DDX39B: variants seen among roughly 807,000 people sequenced by gnomAD.
The protein encoded by DDX39B is spliceosome RNA helicase DDX39B.
DDX39B carries 6 observed loss-of-function variants against 46.4 expected under a neutral mutation model. The observed-to-expected ratio is 0.13, with a 90% CI of 0.07 to 0.26. DDX39B has a LOEUF of 0.26. DDX39B is among the 10% of genes least tolerant of loss of function. The pLI, the probability that DDX39B is intolerant of heterozygous loss-of-function variation, is 1.00. For synonymous variants in DDX39B, 174 were observed against 199.4 expected, an observed-to-expected ratio of 0.87 and a Z score of 1.07; for missense variants, 185 against 553.4, an observed-to-expected ratio of 0.33 and a Z score of 6.68.
At chr6:31,533,612 T>C (rs1309156909) in intron 6 of DDX39B, 1 of 152,460 alleles carries the variant, frequency 6.6e-6, no homozygotes, top group Non-Finnish European at 1.5e-5. Flanking sequence ...GGTGTTAAAA[T>C]ACCAAATTCA....
In DDX39B at chr6:31,536,679, G is replaced by T; in HGVS notation, c.437C>A (p.Ala146Asp). 1 of 1,611,906 alleles carries T rather than the reference G, an allele frequency of 6.2e-7. No homozygotes were observed. Among genetic ancestry groups the T allele is most frequent in the East Asian group, 2.2e-5 (1 of 44,870 alleles). ...FSKYMPNVKV[A>D]VFFGGLSIKK... ...GATAGACAGACCACCAAAAAAAACAGCAACCTGCCGAGCCAGAAGCAAAGA... is the reference window on the plus strand; with the variant it reads ...GATAGACAGACCACCAAAAAAAACATCAACCTGCCGAGCCAGAAGCAAAGA... Residue 146 changes from alanine to aspartate, a missense_variant, in exon 5 of 11, where the codon GCT becomes GAT. Ala to Asp is a moderately radical substitution (Grantham distance 126, BLOSUM62 -2). Around this residue, in one of 5 missense-constraint regions of DDX39B, gnomAD observed 110 missense variants for 282.2 expected, o/e 0.39. Transcript: ENST00000396172.
chr6:31,533,065 C>T (rs9267481), intron 6 of DDX39B, 154 bp from the exon 7 acceptor site: 7,542 of 596,436 alleles, frequency 0.013, 75 homozygotes, highest in African/African-American at 0.031. Flanking sequence ...AAAATACCCA[C>T]ATTTTACTGT....
Position 31,538,745 on chromosome 6 carries a change from CTCTTTACCTTG to C in DDX39B, c.432+7_432+17del. 1.2e-6 allele frequency: 2 copies of C among 1,606,042 alleles called. No homozygotes were observed. Among genetic ancestry groups the C allele is most frequent in the Non-Finnish European group, 1.7e-6 (2 of 1,176,434 alleles). On this transcript the variant is annotated splice_region_variant and intron_variant, in intron 4 of 10. Coordinates refer to ENST00000396172, the MANE Select transcript of DDX39B (RefSeq NM_004640.7). Reference sequence around the variant, plus strand: ...ACTTGCCACACCCTCACTCTCAGGTCTCTTTACCTTGGCTTACCTTGACATTGGGCATGTAT... The same window carrying C: ...ACTTGCCACACCCTCACTCTCAGGTCGCTTACCTTGACATTGGGCATGTAT...
rs1554267395 is a variant in DDX39B, at chr6:31,531,985, TTTTTTTA to T, written c.868-587_868-581del. 6.6e-6 allele frequency among the ~76,000 whole-genome samples: 1 copy of T among 152,082 alleles called. No individual in the cohort carries two copies. Among genetic ancestry groups the T allele is most frequent in the African/African-American group, 2.4e-5 (1 of 41,420 alleles). ...GGTGCACACCACCACGCCCAGCTAC[TTTTTTTA>T]TTTTTTATTTTTACTATTTGTAGAG... On this transcript the variant is annotated intron_variant, in intron 7 of 10. Coordinates refer to ENST00000396172, the MANE Select transcript of DDX39B (RefSeq NM_004640.7). This position sits in a 1 kb window ranked among gnomAD's most constrained non-coding sequence, Gnocchi z 5.8.
chr6:31,539,089 CACCCT>C, intron 3 of DDX39B, 53 bp downstream of exon 3: 2 of 1,613,272 alleles, frequency 1.2e-6, no homozygotes, highest in Non-Finnish European at 1.7e-6. Flanking sequence ...AGGACAAAAA[CACCCT>C]TCCCTTATAG....
intron 1 of DDX39B, chr6:31,541,732 G>A (rs1045209101): frequency 1.2e-5 from 7 of 604,242 alleles, no homozygotes; most frequent in Non-Finnish European, 2.2e-5. Flanking sequence ...ACACAATGGC[G>A]CCGAGGACAC....
intron 2 of DDX39B, among the ~76,000 whole-genome samples, chr6:31,539,999 CCTCA>C (rs1768227742): frequency 6.6e-6 from 1 of 152,102 alleles, no homozygotes; most frequent in African/African-American, 2.4e-5. Context: ...ATTTTTTCTT[CCTCA>C]CTGTCGCCCC....
At chr6:31,537,116 A>C (rs970021430) in intron 4 of DDX39B, among the ~76,000 whole-genome samples, 1 of 152,110 alleles carries the variant, frequency 6.6e-6, no homozygotes, top group Non-Finnish European at 1.5e-5. Flanking sequence ...CATCTCAAAA[A>C]GAAATAAAAT....
chr6:31,540,023 A>G (rs900361701), intron 2 of DDX39B, among the ~76,000 whole-genome samples: 2 of 152,190 alleles, frequency 1.3e-5, no homozygotes, highest in Non-Finnish European at 2.9e-5. Flanking sequence ...CGGCTGGTGC[A>G]CAGTGGTGCA....
intron 1 of DDX39B, chr6:31,541,568 C>G (rs968563843): frequency 4.4e-5 from 20 of 459,474 alleles, no homozygotes; most frequent in African/African-American, 3.5e-4. Context: ...CCAGTCCCAC[C>G]GAGGGCCGAG....
intron 1 of DDX39B, chr6:31,540,987 C>G (rs1430327032): frequency 9.3e-6 from 4 of 431,978 alleles, no homozygotes; most frequent in Non-Finnish European, 1.8e-5. Context: ...TAAAATACGA[C>G]TAATAACTTA....
At chr6:31,538,660 C>G in intron 4 of DDX39B, 103 bp downstream of exon 4, 1 of 1,088,804 alleles carries the variant, frequency 9.2e-7, no homozygotes, top group Non-Finnish European at 1.3e-6. Context: ...TACACCACAG[C>G]AAACTAAAGC....
chr6:31,530,669 A>C lies in DDX39B; in HGVS notation c.1270+110T>G. Reference sequence around the variant, plus strand: ...CATCAAAGACCAGGGGGCATGAACCAGTCAAGTGTCCATTATGCATCAGAT... The same window carrying C: ...CATCAAAGACCAGGGGGCATGAACCCGTCAAGTGTCCATTATGCATCAGAT... On this transcript the variant is annotated intron_variant, in intron 10 of 10. Coordinates refer to ENST00000396172, the MANE Select transcript of DDX39B (RefSeq NM_004640.7). This position sits in a 1 kb window ranked among gnomAD's most constrained non-coding sequence, Gnocchi z 4.5. The C allele has an allele frequency of 6.9e-7, 1 of 1,453,850 alleles. No homozygotes were observed. The highest frequency in any genetic ancestry group is 1.8e-5 in the Admixed American group (1 of 55,278). 90.1% of individuals were successfully genotyped at this position (1,453,850 alleles called of 1,614,324 possible).
chr6:31,532,095 G>GTAC (rs1767232539), intron 7 of DDX39B, among the ~76,000 whole-genome samples: 1 of 152,002 alleles, frequency 6.6e-6, no homozygotes, highest in South Asian at 2.1e-4. Context: ...GCCTCCCAAA[G>GTAC]TACTGGGATT....
intron 4 of DDX39B, among the ~76,000 whole-genome samples, chr6:31,537,683 G>A (rs1369528630): frequency 6.6e-6 from 1 of 152,022 alleles, no homozygotes; most frequent in Non-Finnish European, 1.5e-5. Flanking sequence ...TGGTTTCAAG[G>A]GGGAAAAGAA....
chr6:31,536,703 G>C lies in DDX39B; in HGVS notation c.433-20C>G. ...AGCAACCTGCCGAGCCAGAAGCAAAGAGTCTCAAAACAGAGGAAGGAAAGA... is the reference window on the plus strand; with the variant it reads ...AGCAACCTGCCGAGCCAGAAGCAAACAGTCTCAAAACAGAGGAAGGAAAGA... On this transcript the variant is annotated intron_variant, in intron 4 of 10. Transcript: ENST00000396172. 6.2e-7 allele frequency: 1 copy of C among 1,611,210 alleles called. No homozygotes were observed. Among genetic ancestry groups the C allele is most frequent in the South Asian group, 1.1e-5 (1 of 90,992 alleles).
In DDX39B at chr6:31,540,557, G is replaced by C. The variant is rs1327031897; in HGVS notation, c.-25C>G. On this transcript the variant is annotated 5_prime_UTR_variant, in exon 2 of 11. Transcript: ENST00000396172. ...TAACTGGGCCGGCAGGGGAAGAAGG[G>C]AAGGGGGATCTGGATGGGTTCTCGC... The C allele has an allele frequency of 1.9e-6, 3 of 1,612,710 alleles. No individual in the cohort carries two copies. In the Admixed American group the frequency reaches 5.0e-5, roughly 27 times the overall value.
At chr6:31,540,241 C>G in intron 2 of DDX39B, 81 bp downstream of exon 2, 1 of 1,467,830 alleles carries the variant, frequency 6.8e-7, no homozygotes, top group Non-Finnish European at 9.5e-7. Context: ...CCCTTACCAC[C>G]ACCTGAGCAA....
chr6:31,537,129 A>C (rs774836826), intron 4 of DDX39B, among the ~76,000 whole-genome samples: 4 of 152,116 alleles, frequency 2.6e-5, no homozygotes, highest in Non-Finnish European at 5.9e-5. Flanking sequence ...AATAAAATAA[A>C]TAAAAATAAA....
Sources: gnomAD v4.1 joint callset for allele counts (sites outside exome capture counted in the v4.1 genomes callset) on GRCh38, gnomAD v4.1.1 for gene constraint, gnomAD v4.1.1 regional missense constraint, Gnocchi (gnomAD v3.1) non-coding constraint, MANE v1.5 for transcripts, NCBI Gene and HGNC (gene_info 2026-07-23, HGNC 2026-07-21) for gene names.